The following UTRN variants were observed in gnomAD, a reference collection of about 807,000 sequenced individuals.
UTRN encodes dystrophin-related protein 1.
Under a neutral mutation model 463.9 loss-of-function variants are expected in UTRN, and 283 were observed. The observed-to-expected ratio is 0.61, with a 90% CI of 0.55 to 0.67. The LOEUF (loss-of-function observed/expected upper bound fraction) is 0.67. UTRN is among the 30% of genes least tolerant of loss of function. The pLI is 0.00. For synonymous variants in UTRN, 1,442 were observed against 1,431.5 expected, an observed-to-expected ratio of 1.01 and a Z score of -0.17; for missense variants, 3,922 against 4,084.3, an observed-to-expected ratio of 0.96 and a Z score of 1.08.
chr6:144,732,655 CATGTT>C (rs57770911), intron 54 of UTRN, among the ~76,000 whole-genome samples: 44,293 of 126,070 alleles, frequency 0.35, 7,626 homozygotes, highest in East Asian at 0.38. Context: ...CATTTTATGT[CATGTT>C]ATGTTATGTT....
chr6:144,837,466 C>G lies in UTRN; in HGVS notation c.10065+925C>G, dbSNP rs546906270. On this transcript the variant is annotated intron_variant, in intron 71 of 74. Coordinates refer to ENST00000367545, the MANE Select transcript of UTRN (RefSeq NM_007124.3). ...GATGGAGAGACCTTTGCAGCAGGTG[C>G]AGAGAGCGTAGAGTCCCAGCACAGG... Among the ~76,000 whole-genome samples the G allele has an allele frequency of 1.9e-3, 296 of 152,288 alleles. 5 individuals are homozygous for G. Among genetic ancestry groups the G allele is most frequent in the Non-Finnish European group, 1.3e-3 (90 of 68,026 alleles).
At chr6:144,724,222 CTTTT>C (rs34507977) in intron 53 of UTRN, among the ~76,000 whole-genome samples, 1 of 78,114 alleles carries the variant, frequency 1.3e-5, no homozygotes, top group African/African-American at 5.8e-5. Context: ...AGATTCATAA[CTTTT>C]TTTTTTTTTT....
At chr6:144,415,490 T>C (rs1012810612) in intron 3 of UTRN, among the ~76,000 whole-genome samples, 1 of 152,224 alleles carries the variant, frequency 6.6e-6, no homozygotes, top group Non-Finnish European at 1.5e-5. Flanking sequence ...AAATCTTACT[T>C]TCTTATTCAA....
At chr6:144,344,296 G>T (rs1255765830) in intron 2 of UTRN, 4 of 1,304,038 alleles carry the variant, frequency 3.1e-6, no homozygotes, top group Admixed American at 4.6e-5. Flanking sequence ...GCTTGCAAGC[G>T]ATTACCAGGT....
chr6:144,563,414 T>A (rs1380389956), intron 50 of UTRN, among the ~76,000 whole-genome samples: 1 of 152,154 alleles, frequency 6.6e-6, no homozygotes, highest in Non-Finnish European at 1.5e-5. Context: ...TTAACAGTGA[T>A]CAGTAGAAGA....
chr6:144,703,495 A>G (rs927161467), intron 53 of UTRN, among the ~76,000 whole-genome samples: 3 of 152,162 alleles, frequency 2.0e-5, no homozygotes, highest in African/African-American at 7.2e-5. Context: ...GAAAAAAAAT[A>G]TTCTAAGAAA....
intron 23 of UTRN, among the ~76,000 whole-genome samples, chr6:144,471,058 G>C (rs1276335007): frequency 2.1e-5 from 2 of 95,492 alleles, no homozygotes; most frequent in Non-Finnish European, 4.2e-5. Flanking sequence ...GGGAGGGGGA[G>C]AGGGAGGGGG....
intron 19 of UTRN, among the ~76,000 whole-genome samples, chr6:144,454,775 C>T (rs1436534385): frequency 6.6e-6 from 1 of 152,044 alleles, no homozygotes; most frequent in Non-Finnish European, 1.5e-5. Context: ...TTACTCGTTC[C>T]TCAGCCTCTC....
intron 52 of UTRN, among the ~76,000 whole-genome samples, chr6:144,695,550 G>A (rs1334193001): frequency 6.6e-6 from 1 of 152,030 alleles, no homozygotes; most frequent in African/African-American, 2.4e-5. Flanking sequence ...TCACCGTGTT[G>A]GCCAGGCTGC....
At position 144,781,986 on chromosome 6, in the gene UTRN, C is replaced by A; in HGVS notation, c.8697C>A (p.Asp2899Glu). The A allele has an allele frequency of 6.8e-6, 11 of 1,613,974 alleles. No individual in the cohort carries two copies. The highest frequency in any genetic ancestry group is 9.3e-6 in the Non-Finnish European group (11 of 1,179,958). ...IFKQHKLNQN[D>E]QLLSVPDVIN... The stretch of plus-strand genomic sequence containing the variant: ...AACAGCACAAGTTGAACCAAAATGA[C>A]CAGCTCCTCAGTGTTCCAGATGTCA... The change falls in exon 61 of 75, where the codon GAC (aspartate) becomes GAA (glutamate). Residue 2899 changes from aspartate (D) to glutamate (E), a missense_variant. Transcript: ENST00000367545.
chr6:144,660,963 A>G (rs1336912230), intron 51 of UTRN, among the ~76,000 whole-genome samples: 1 of 152,246 alleles, frequency 6.6e-6, no homozygotes, highest in Non-Finnish European at 1.5e-5. Context: ...TAGTTAAAAC[A>G]GAAAACCTCC....
In UTRN at chr6:144,522,156, G is replaced by A; in HGVS notation, c.5718G>A (p.Gln1906=). 1 of 1,540,024 alleles carries A rather than the reference G, an allele frequency of 6.5e-7. No homozygotes were observed. Among genetic ancestry groups the A allele is most frequent in the Non-Finnish European group, 8.7e-7 (1 of 1,144,222 alleles). Residue 1906 remains glutamine, a synonymous_variant, in exon 40 of 75, where the codon CAG becomes CAA. Transcript: ENST00000367545. ...NTAIYEDFSF[Q]EDSLKNIKDQ... ...CTATTTACGAAGACTTCTCTTTTCA[G>A]GAAGACTCTCTGAAGGTAGACCTCT...
intron 58 of UTRN, among the ~76,000 whole-genome samples, chr6:144,766,062 C>T (rs1486490797): frequency 1.3e-5 from 2 of 151,358 alleles, no homozygotes; most frequent in Non-Finnish European, 2.9e-5. Flanking sequence ...ATTCCTGCAG[C>T]TTTCTCACCC....
intron 2 of UTRN, among the ~76,000 whole-genome samples, chr6:144,383,687 G>A (rs1781139736): frequency 6.6e-6 from 1 of 152,012 alleles, no homozygotes; most frequent in Non-Finnish European, 1.5e-5. Context: ...CTTGCTACAG[G>A]GAAAAAAAAT....
intron 21 of UTRN, among the ~76,000 whole-genome samples, chr6:144,459,626 A>C (rs756749090): frequency 1.3e-5 from 2 of 151,744 alleles, no homozygotes; most frequent in Non-Finnish European, 1.5e-5. Flanking sequence ...ACAGGATCTC[A>C]CTCTGTCACC....
intron 52 of UTRN, among the ~76,000 whole-genome samples, chr6:144,684,526 GT>G (rs1280717821): frequency 2.0e-5 from 3 of 152,138 alleles, no homozygotes. Context: ...AACATTTCCT[GT>G]CATCTTGGCA....
At chr6:144,639,631 C>G (rs1777555948) in intron 51 of UTRN, among the ~76,000 whole-genome samples, 1 of 152,140 alleles carries the variant, frequency 6.6e-6, no homozygotes, top group African/African-American at 2.4e-5. Context: ...TACATTGTTT[C>G]TCTTCCTTTC....
At position 144,851,158 on chromosome 6, in the gene UTRN, C is replaced by A; in HGVS notation, c.*161C>A. The A allele has an allele frequency of 1.2e-6, 1 of 859,504 alleles. No individual in the cohort carries two copies. Among genetic ancestry groups the A allele is most frequent in the Non-Finnish European group, 1.9e-6 (1 of 523,816 alleles). 53.2% of individuals were successfully genotyped at this position (859,504 alleles called of 1,614,324 possible). On this transcript the variant is annotated 3_prime_UTR_variant, in exon 75 of 75. Transcript: ENST00000367545. ...CTGAAAGAGTAAAACACTGACTATC[C>A]AAAGAGAAATGGATATTTTGTTTTT...
At chr6:144,475,520 A>C (rs1215858316) in intron 25 of UTRN, among the ~76,000 whole-genome samples, 1 of 152,204 alleles carries the variant, frequency 6.6e-6, no homozygotes, top group Non-Finnish European at 1.5e-5. Context: ...CTTGGGATTT[A>C]TTTCAAGTAT....
Sources: gnomAD v4.1 joint callset for allele counts (sites outside exome capture counted in the v4.1 genomes callset) on GRCh38, gnomAD v4.1.1 for gene constraint, MANE v1.5 for transcripts, NCBI Gene and HGNC (gene_info 2026-07-23, HGNC 2026-07-21) for gene names.